The following KCNQ3 variants were observed in gnomAD, a reference collection of about 807,000 sequenced individuals.
KCNQ3 encodes potassium voltage-gated channel subfamily KQT member 3.
A neutral mutation model predicts 92.5 loss-of-function variants in KCNQ3; 30 were observed. The observed-to-expected ratio is 0.32, with a 90% CI of 0.24 to 0.44. The LOEUF (loss-of-function observed/expected upper bound fraction) is 0.44. KCNQ3 is among the 20% of genes least tolerant of loss of function. KCNQ3 has a pLI of 1.00. For synonymous variants in KCNQ3, 450 were observed against 468.8 expected (o/e 0.96, Z 0.52); for missense variants, 913 against 1,140.3 (o/e 0.80, Z 2.87).
chr8:132,130,076 T>C (rs1360973914), intron 14 of KCNQ3, 80 bp from the exon 15 acceptor site: 2 of 1,347,454 alleles, frequency 1.5e-6, no homozygotes, highest in African/African-American at 3.7e-5. Context: ...GAAATATTCT[T>C]TTTTTTTGTT....
At chr8:132,217,436 C>G (rs10104952) in intron 1 of KCNQ3, among the ~76,000 whole-genome samples, 2 of 152,092 alleles carry the variant, frequency 1.3e-5, no homozygotes, top group African/African-American at 2.4e-5. Flanking sequence ...GTCGGCCGGA[C>G]ACGGTGGCTC....
intron 2 of KCNQ3, 130 bp from the exon 3 acceptor site, chr8:132,184,497 GCTGGGGAT>G: frequency 1.0e-6 from 1 of 978,632 alleles, no homozygotes; most frequent in Non-Finnish European, 1.6e-6. Flanking sequence ...GGCAGGGATG[GCTGGGGAT>G]GGGGGTGGGG....
At chr8:132,154,192 AG>A (rs869140897) in intron 9 of KCNQ3, among the ~76,000 whole-genome samples, 6 of 104,470 alleles carry the variant, frequency 5.7e-5, no homozygotes, top group South Asian at 4.7e-4. Context: ...AAAGGGTAAA[AG>A]TTTTTTTTTT....
chr8:132,216,399 C>G (rs914512548), intron 1 of KCNQ3, among the ~76,000 whole-genome samples: 6 of 152,226 alleles, frequency 3.9e-5, no homozygotes, highest in African/African-American at 1.4e-4. Context: ...TGATTCCTTT[C>G]TGGGATAGGA....
At chr8:132,382,373 T>C (rs77604206) in intron 1 of KCNQ3, among the ~76,000 whole-genome samples, 3,981 of 152,232 alleles carry the variant, frequency 0.026, 187 homozygotes, top group African/African-American at 0.091. Context: ...ATCCTGCTCC[T>C]TCTCTCTTGC....
chr8:132,324,834 C>T (rs910573141), intron 1 of KCNQ3, among the ~76,000 whole-genome samples: 52 of 152,172 alleles, frequency 3.4e-4, no homozygotes, highest in African/African-American at 4.8e-5. Flanking sequence ...CAGAGCCCGG[C>T]GGTTGCCATC....
intron 1 of KCNQ3, among the ~76,000 whole-genome samples, chr8:132,421,055 G>A (rs1220212134): frequency 6.6e-6 from 1 of 152,232 alleles, no homozygotes; most frequent in Non-Finnish European, 1.5e-5. Flanking sequence ...AGCAGGGGAT[G>A]TGGGGCAGAG....
At chr8:132,146,367 T>G (rs1825446387) in intron 9 of KCNQ3, among the ~76,000 whole-genome samples, 1 of 152,168 alleles carries the variant, frequency 6.6e-6, no homozygotes, top group Non-Finnish European at 1.5e-5. Context: ...TTATGCTAAA[T>G]GAAATAAGCC....
At chr8:132,472,854 A>G (rs1822326184) in intron 1 of KCNQ3, among the ~76,000 whole-genome samples, 1 of 152,236 alleles carries the variant, frequency 6.6e-6, no homozygotes, top group Non-Finnish European at 1.5e-5. Flanking sequence ...TACGCATGCA[A>G]TGAAATAGTA....
At chr8:132,359,939 T>G (rs1428299698) in intron 1 of KCNQ3, among the ~76,000 whole-genome samples, 2 of 152,178 alleles carry the variant, frequency 1.3e-5, no homozygotes, top group Non-Finnish European at 2.9e-5. Flanking sequence ...TCTCCATGCC[T>G]GCACTGGCCC....
intron 1 of KCNQ3, among the ~76,000 whole-genome samples, chr8:132,439,080 A>G (rs1821464467): frequency 6.6e-6 from 1 of 151,068 alleles, no homozygotes; most frequent in African/African-American, 2.4e-5. Context: ...CCAGCTCCCA[A>G]TACCCCCATA....
chr8:132,188,832 G>A (rs1827074517), intron 1 of KCNQ3, among the ~76,000 whole-genome samples: 1 of 152,224 alleles, frequency 6.6e-6, no homozygotes, highest in Non-Finnish European at 1.5e-5. Flanking sequence ...AGGAGGGGCT[G>A]CAGCCAAGAG....
intron 1 of KCNQ3, among the ~76,000 whole-genome samples, chr8:132,339,273 A>AT (rs1009880802): frequency 1.3e-5 from 2 of 152,288 alleles, no homozygotes; most frequent in African/African-American, 4.8e-5. Flanking sequence ...GTTGTATATC[A>AT]TTTTTAACTT....
chr8:132,278,217 C>T (rs1816401587), intron 1 of KCNQ3: 1 of 984,718 alleles, frequency 1.0e-6, no homozygotes, highest in Non-Finnish European at 1.2e-6. Context: ...AGACCAAAGA[C>T]AAAATTAGCA....
chr8:132,149,974 C>T (rs899450057), intron 9 of KCNQ3, among the ~76,000 whole-genome samples: 2 of 152,194 alleles, frequency 1.3e-5, no homozygotes, highest in Admixed American at 6.5e-5. Flanking sequence ...GTTCTTCCCC[C>T]AGTCATCCTT....
chr8:132,379,207 A>G (rs1314545141), intron 1 of KCNQ3, among the ~76,000 whole-genome samples: 1 of 152,246 alleles, frequency 6.6e-6, no homozygotes, highest in Admixed American at 6.5e-5. Flanking sequence ...AATGTCTATG[A>G]AAGACTTCCT....
intron 1 of KCNQ3, among the ~76,000 whole-genome samples, chr8:132,441,601 A>ACAAT (rs1491148438): frequency 6.6e-6 from 1 of 151,288 alleles, no homozygotes; most frequent in Non-Finnish European, 1.5e-5. Context: ...AAACAAACAA[A>ACAAT]CAAATATATA....
Position 132,324,976 on chromosome 8 carries a change from T to C in KCNQ3, c.387-138795A>G, listed in dbSNP as rs530000481. ...ACCCAGAATAATTTTGTATTCGCTG[T>C]CCTAGTTAGTTTTTTTTTTTTTTCT... On this transcript the variant is annotated intron_variant, in intron 1 of 14. Coordinates refer to ENST00000388996, the MANE Select transcript of KCNQ3 (RefSeq NM_004519.4). 1.9e-4 allele frequency among the ~76,000 whole-genome samples: 28 copies of C among 151,178 alleles called. No individual in the cohort carries two copies. In the South Asian group the frequency reaches 2.5e-3, roughly 14 times the overall value.
intron 1 of KCNQ3, among the ~76,000 whole-genome samples, chr8:132,360,508 C>G (rs904602065): frequency 2.6e-5 from 4 of 152,164 alleles, no homozygotes; most frequent in African/African-American, 9.7e-5. Flanking sequence ...GGTTCAGGAA[C>G]CTCTGGTGGA....
Sources: allele counts gnomAD v4.1 joint callset (sites outside exome capture counted in the v4.1 genomes callset), GRCh38; gene constraint gnomAD v4.1.1; transcripts MANE v1.5; gene names NCBI Gene and HGNC (gene_info 2026-07-23, HGNC 2026-07-21).